Variants in SLC7A14 observed in about 807,000 individuals in gnomAD.
SLC7A14 encodes solute carrier family 7 member 14.
Under a neutral mutation model 60.2 loss-of-function variants are expected in SLC7A14, and 37 were observed. The observed-to-expected ratio is 0.61, with a 90% CI of 0.47 to 0.81. The LOEUF (loss-of-function observed/expected upper bound fraction) is 0.81. Among genes scored for constraint, SLC7A14 ranks in the 30% least tolerant of loss-of-function variants. SLC7A14 has a pLI of 0.00. For synonymous variants in SLC7A14, 399 were observed against 395.8 expected (o/e 1.01, Z -0.10); for missense variants, 886 against 982.7 (o/e 0.90, Z 1.32).
Position 170,532,603 on chromosome 3 carries a change from C to T in SLC7A14, c.-152-5515G>A, listed in dbSNP as rs986353366. On this transcript the variant is annotated intron_variant, in intron 1 of 7. Coordinates refer to ENST00000231706, the MANE Select transcript of SLC7A14 (RefSeq NM_020949.3). The surrounding 1 kb of genome is among the most constrained non-coding windows in gnomAD (Gnocchi z 4.0). ...AATACGTGTAGAGCTTTTAGTACCG[C>T]GCCTGGCGTATAGTGCATGCTGTGG... 5.3e-5 allele frequency among the ~76,000 whole-genome samples: 8 copies of T among 151,996 alleles called. No individual in the cohort carries two copies. Among genetic ancestry groups the T allele is most frequent in the African/African-American group, 1.2e-4 (5 of 41,390 alleles).
Position 170,496,048 on chromosome 3 carries a change from A to C in SLC7A14, c.759+2619T>G, listed in dbSNP as rs1712382930. The stretch of plus-strand genomic sequence containing the variant: ...AAGGACATGGATGAAGCTTACATGA[A>C]CAAGGCAGAGCTGGAGTCTCGCCTG... On this transcript the variant is annotated intron_variant, in intron 4 of 7. Transcript: ENST00000231706. 15 of 1,264,070 alleles carry C rather than the reference A, an allele frequency of 1.2e-5. No homozygotes were observed. In the Admixed American group the frequency reaches 2.2e-4, roughly 19 times the overall value. The allele number at this position is 1,264,070 out of a possible 1,614,324, so 78.3% of individuals were successfully genotyped here. A position where few individuals can be genotyped will look rare whatever the true frequency, so the allele number is the denominator to read the frequency against.
intron 1 of SLC7A14, among the ~76,000 whole-genome samples, chr3:170,561,608 A>C (rs1714652435): frequency 6.6e-6 from 1 of 152,224 alleles, no homozygotes; most frequent in Non-Finnish European, 1.5e-5. Context: ...AAAATGCTAC[A>C]TGGAAAAGTG....
At chr3:170,524,973 T>C (rs149977626) in intron 2 of SLC7A14, among the ~76,000 whole-genome samples, 158 of 152,374 alleles carry the variant, frequency 1.0e-3, no homozygotes, top group African/African-American at 3.6e-3. Context: ...TCTGGTTGCA[T>C]GCTTGTAGTC....
Position 170,467,221 on chromosome 3 carries a change from T to C in SLC7A14, c.2150A>G (p.Gln717Arg). 1 of 1,612,952 alleles carries C rather than the reference T, an allele frequency of 6.2e-7. No individual in the cohort carries two copies. Among genetic ancestry groups the C allele is most frequent in the Middle Eastern group, 1.6e-4 (1 of 6,062 alleles). The stretch of plus-strand genomic sequence containing the variant: ...TTCAGTGGGCCCGCCCCAGTCCTCC[T>C]GGCTCTCGCCCTCTGTGGCGTAGGA... Reference protein sequence around the residue: ...GFSYATEGESQEDWGGPTEDK... With the variant: ...GFSYATEGESREDWGGPTEDK... The change falls in exon 8 of 8, where the codon CAG becomes CGG. Residue 717 changes from glutamine to arginine, a missense_variant. Transcript: ENST00000231706.
chr3:170,554,762 T>C (rs1245821723), intron 1 of SLC7A14, among the ~76,000 whole-genome samples: 1 of 152,236 alleles, frequency 6.6e-6, no homozygotes, highest in Non-Finnish European at 1.5e-5. Context: ...GAATGAAGTT[T>C]ATATCCTTAG....
At chr3:170,519,808 C>T (rs965796525) in intron 2 of SLC7A14, among the ~76,000 whole-genome samples, 5 of 152,058 alleles carry the variant, frequency 3.3e-5, no homozygotes, top group African/African-American at 7.2e-5. Context: ...AAAAGAGGAC[C>T]GAAAGGTAAG....
intron 1 of SLC7A14, among the ~76,000 whole-genome samples, chr3:170,536,653 C>T (rs777053816): frequency 1.4e-4 from 21 of 152,158 alleles, no homozygotes; most frequent in East Asian, 5.8e-4. Context: ...GTCCCAGTCC[C>T]GTAGGACAAG....
chr3:170,481,094 C>G lies in SLC7A14; in HGVS notation c.1188G>C (p.Ala396=). Reference sequence around the variant, plus strand: ...TCAAGCTGACCAACAGTGCGAGGAGCGCTGCCAGGAACCCCGACACGATGC... The same window carrying G: ...TCAAGCTGACCAACAGTGCGAGGAGGGCTGCCAGGAACCCCGACACGATGC... ...VACIVSGFLA[A]LLALLVSLRD... is the part of the protein sequence containing the mutation. Residue 396 remains alanine (A), a synonymous_variant, in exon 7 of 8, where the codon GCG becomes GCC. Coordinates refer to ENST00000231706, the MANE Select transcript of SLC7A14 (RefSeq NM_020949.3). The G allele has an allele frequency of 6.2e-7, 1 of 1,614,108 alleles. No homozygotes were observed. The highest frequency in any genetic ancestry group is 8.5e-7 in the Non-Finnish European group (1 of 1,180,008).
rs202048294 is a variant in SLC7A14, at chr3:170,480,616, G to C, written c.1666C>G (p.Arg556Gly). 1.2e-6 allele frequency: 2 copies of C among 1,614,226 alleles called. No individual in the cohort carries two copies. The highest frequency in any genetic ancestry group is 8.5e-7 in the Non-Finnish European group (1 of 1,180,042). Residue 556 changes from arginine (R) to glycine (G), a missense_variant, in exon 7 of 8, where the codon CGG (arginine) becomes GGG (glycine). Coordinates refer to ENST00000231706, the MANE Select transcript of SLC7A14 (RefSeq NM_020949.3). ...GTGTGCCCCGTCGCTGCTGTGGGCC[G>C]GTCCATTTTGCCTGGAAGGCCCAGC... Reference protein sequence around the residue: ...IRLGLPGKMDRPTAATGHTVT... With the variant: ...IRLGLPGKMDGPTAATGHTVT...
At chr3:170,527,351 G>A (rs1381679441) in intron 1 of SLC7A14, among the ~76,000 whole-genome samples, 1 of 152,140 alleles carries the variant, frequency 6.6e-6, no homozygotes. Flanking sequence ...TGTGGTCTTG[G>A]GTAAGCCATG....
intron 4 of SLC7A14, among the ~76,000 whole-genome samples, chr3:170,494,138 C>T (rs905783390): frequency 1.3e-5 from 2 of 152,176 alleles, no homozygotes; most frequent in African/African-American, 4.8e-5. Context: ...GGACTGGGAT[C>T]GAATTTCAGC....
chr3:170,495,684 C>A lies in SLC7A14; in HGVS notation c.759+2983G>T. 3 of 928,596 alleles carry A rather than the reference C, an allele frequency of 3.2e-6. No individual in the cohort carries two copies. In the East Asian group the frequency reaches 7.2e-5, roughly 22 times the overall value. The allele number at this position is 928,596 out of a possible 1,614,324, so 57.5% of individuals were successfully genotyped here. ...GAGCCCTGTTAACCTGGAGGTAGATCCCAATATCCAGGCCATGCACACCCA... is the reference window on the plus strand; with the variant it reads ...GAGCCCTGTTAACCTGGAGGTAGATACCAATATCCAGGCCATGCACACCCA... On this transcript the variant is annotated intron_variant, in intron 4 of 7. Coordinates refer to ENST00000231706, the MANE Select transcript of SLC7A14 (RefSeq NM_020949.3).
At chr3:170,523,196 G>A (rs747159607) in intron 2 of SLC7A14, among the ~76,000 whole-genome samples, 7 of 152,182 alleles carry the variant, frequency 4.6e-5, no homozygotes, top group Admixed American at 2.0e-4. Flanking sequence ...TGGAGAAACC[G>A]ATGTTCAGAG....
At chr3:170,575,106 G>C (rs1715054850) in intron 1 of SLC7A14, among the ~76,000 whole-genome samples, 1 of 152,182 alleles carries the variant, frequency 6.6e-6, no homozygotes, top group South Asian at 2.1e-4. Context: ...CATAAGCCTG[G>C]ATAAATTATT....
At chr3:170,519,315 G>C (rs1325798386) in intron 2 of SLC7A14, among the ~76,000 whole-genome samples, 1 of 152,186 alleles carries the variant, frequency 6.6e-6, no homozygotes, top group African/African-American at 2.4e-5. Flanking sequence ...GTGACAGCCA[G>C]CTTTTCCTTT....
intron 1 of SLC7A14, among the ~76,000 whole-genome samples, chr3:170,576,179 G>A (rs1244257677): frequency 6.6e-6 from 1 of 152,170 alleles, no homozygotes; most frequent in Non-Finnish European, 1.5e-5. Context: ...ATATGTTATA[G>A]CATGTGTCAT....
intron 2 of SLC7A14, among the ~76,000 whole-genome samples, chr3:170,521,920 CA>C (rs1204658205): frequency 1.9e-4 from 26 of 140,056 alleles, no homozygotes; most frequent in South Asian, 2.3e-4. Flanking sequence ...GACTCCATCT[CA>C]AAAAAAAAAG....
At position 170,465,617 on chromosome 3, in the gene SLC7A14, T is replaced by G. The variant is rs1445328083; in HGVS notation, c.*1438A>C. On this transcript the variant is annotated 3_prime_UTR_variant, in exon 8 of 8. Coordinates refer to ENST00000231706, the MANE Select transcript of SLC7A14 (RefSeq NM_020949.3). ...GAGAAAGGACAAGGAATTTCTTCTT[T>G]TGTCCCTCTTTCAGGAAATCCTCAC... 5 of 152,260 alleles carry G rather than the reference T, an allele frequency of 3.3e-5. No homozygotes were observed. Among genetic ancestry groups the G allele is most frequent in the Admixed American group, 3.3e-4 (5 of 15,284 alleles). The allele number at this position is 152,260 out of a possible 1,614,324, so 9.4% of individuals were successfully genotyped here.
intron 7 of SLC7A14, among the ~76,000 whole-genome samples, 192 bp downstream of exon 7, chr3:170,480,097 A>C (rs537675517): frequency 6.6e-6 from 1 of 152,206 alleles, no homozygotes; most frequent in African/African-American, 2.4e-5. Flanking sequence ...TCCAGAACCA[A>C]TGACTAAGAA....
Sources: gnomAD v4.1 joint callset for allele counts (sites outside exome capture counted in the v4.1 genomes callset) on GRCh38, gnomAD v4.1.1 for gene constraint, Gnocchi (gnomAD v3.1) non-coding constraint, MANE v1.5 for transcripts, NCBI Gene and HGNC (gene_info 2026-07-23, HGNC 2026-07-21) for gene names.